Variants in SLC35F1 observed in about 807,000 individuals in gnomAD.
SLC35F1 encodes the protein chromosome 6 open reading frame 169.
In SLC35F1, 14 loss-of-function variants were observed where a neutral mutation model predicts 48.7. The observed-to-expected ratio is 0.29, with a 90% CI of 0.19 to 0.45. The LOEUF (loss-of-function observed/expected upper bound fraction) is 0.45. Ranked by LOEUF, SLC35F1 falls within the 20% of genes least tolerant of loss-of-function variation. SLC35F1 has a pLI of 1.00. For synonymous variants in SLC35F1, 190 were observed against 202.2 expected, an observed-to-expected ratio of 0.94 and a Z score of 0.51; for missense variants, 404 against 500.0, an observed-to-expected ratio of 0.81 and a Z score of 1.83.
At position 118,103,513 on chromosome 6, in the gene SLC35F1, C is replaced by T. The variant is rs570504351; in HGVS notation, c.174-50932C>T. Among the ~76,000 whole-genome samples the T allele has an allele frequency of 3.9e-5, 6 of 152,316 alleles. No homozygotes were observed. In the South Asian group the frequency reaches 6.2e-4, roughly 16 times the overall value. On this transcript the variant is annotated intron_variant, in intron 1 of 7. Transcript: ENST00000360388. ...TCCCACTGGATGTGCCCACCTGGGC[C>T]GCCAACTTCTGTGCCCAGGCCTGAG...
At chr6:118,074,909 G>T (rs928151584) in intron 1 of SLC35F1, among the ~76,000 whole-genome samples, 2 of 152,186 alleles carry the variant, frequency 1.3e-5, no homozygotes, top group African/African-American at 4.8e-5. Flanking sequence ...CTACCAAAGT[G>T]CTGGGATTAC....
intron 1 of SLC35F1, among the ~76,000 whole-genome samples, chr6:117,926,874 G>C (rs1330241739): frequency 1.3e-5 from 2 of 152,116 alleles, no homozygotes; most frequent in Non-Finnish European, 2.9e-5. Flanking sequence ...AGCCCAGGTA[G>C]GAGACAGTTG....
intron 1 of SLC35F1, among the ~76,000 whole-genome samples, chr6:118,125,380 G>GT (rs1562297175): frequency 6.0e-5 from 9 of 149,852 alleles, no homozygotes; most frequent in Admixed American, 5.4e-4. Context: ...GTATTTTGGG[G>GT]GGGGGGATCA....
chr6:118,139,891 G>GGGA (rs1408368320), intron 1 of SLC35F1, among the ~76,000 whole-genome samples: 3 of 152,146 alleles, frequency 2.0e-5, no homozygotes, highest in Non-Finnish European at 2.9e-5. Flanking sequence ...GATGGTGGTG[G>GGGA]GGAGGAGGTA....
At chr6:118,286,977 C>T (rs1052182131) in intron 7 of SLC35F1, among the ~76,000 whole-genome samples, 13 of 152,118 alleles carry the variant, frequency 8.5e-5, no homozygotes, top group African/African-American at 3.1e-4. Context: ...CCAACAAGTT[C>T]CTATTTTATA....
chr6:117,980,765 G>A (rs1178961802), intron 1 of SLC35F1, among the ~76,000 whole-genome samples: 1 of 152,140 alleles, frequency 6.6e-6, no homozygotes, highest in Admixed American at 6.5e-5. Context: ...CAATTTTGTG[G>A]GGACTATTCG....
chr6:118,118,230 C>G (rs1773499965), intron 1 of SLC35F1, among the ~76,000 whole-genome samples: 1 of 152,184 alleles, frequency 6.6e-6, no homozygotes, highest in Non-Finnish European at 1.5e-5. Context: ...TGTTAATACT[C>G]ACTGTCATCA....
In SLC35F1 at chr6:118,315,783, T is replaced by C. The variant is rs1045605477; in HGVS notation, c.*1531T>C. 3 of 152,192 alleles carry C rather than the reference T, an allele frequency of 2.0e-5. No homozygotes were observed. The highest frequency in any genetic ancestry group is 4.4e-5 in the Non-Finnish European group (3 of 68,038). The allele number at this position is 152,192 out of a possible 1,614,324, so 9.4% of individuals were successfully genotyped here. ...CCCAGAGAATACTGCAGGATCCTGA[T>C]AAGACCTTGAGTGATATGTCACTAG... On this transcript the variant is annotated 3_prime_UTR_variant, in exon 8 of 8. Coordinates refer to ENST00000360388, the MANE Select transcript of SLC35F1 (RefSeq NM_001029858.4).
Position 117,989,705 on chromosome 6 carries a change from C to T in SLC35F1, c.173+81806C>T, listed in dbSNP as rs889001119. On this transcript the variant is annotated intron_variant, in intron 1 of 7. Coordinates refer to ENST00000360388, the MANE Select transcript of SLC35F1 (RefSeq NM_001029858.4). ...ACTAAACTTAATGTTGGATTTAATT[C>T]ATTTTTTCAGTGAATGGATATAAAT... is the stretch of plus-strand genomic sequence containing the variant. Among the ~76,000 whole-genome samples, 5 of 152,012 alleles carry T rather than the reference C, an allele frequency of 3.3e-5. No homozygotes were observed. The South Asian group carries it at 1.0e-3, about 32-fold the overall frequency.
chr6:118,125,795 G>T (rs1171885901), intron 1 of SLC35F1, among the ~76,000 whole-genome samples: 1 of 152,164 alleles, frequency 6.6e-6, no homozygotes, highest in East Asian at 1.9e-4. Context: ...TTGGAGAAAA[G>T]GCATATTTAA....
intron 1 of SLC35F1, among the ~76,000 whole-genome samples, chr6:117,917,100 C>T (rs566053880): frequency 6.7e-6 from 1 of 148,396 alleles, no homozygotes; most frequent in Admixed American, 6.7e-5. Flanking sequence ...CTGGTCAGGC[C>T]TCTCTCTCTC....
In SLC35F1 at chr6:118,122,763, G is replaced by T. The variant is rs142651291; in HGVS notation, c.174-31682G>T. 6.6e-3 allele frequency among the ~76,000 whole-genome samples: 1,007 copies of T among 152,308 alleles called. 8 individuals carry two copies. Among genetic ancestry groups the T allele is most frequent in the Middle Eastern group, 0.014 (4 of 294 alleles). ...CGCAAAGAAAAGGAGAAAAAGCAAA[G>T]TCTGGTTAATTCCAGACCCTGGCTA... On this transcript the variant is annotated intron_variant, in intron 1 of 7. Transcript: ENST00000360388.
chr6:118,095,709 G>A (rs1417547213), intron 1 of SLC35F1, among the ~76,000 whole-genome samples: 1 of 152,048 alleles, frequency 6.6e-6, no homozygotes, highest in African/African-American at 2.4e-5. Flanking sequence ...TACACAATAG[G>A]GCACTCAGGG....
chr6:118,199,498 T>A (rs1469391012), intron 2 of SLC35F1, among the ~76,000 whole-genome samples: 3 of 152,254 alleles, frequency 2.0e-5, no homozygotes, highest in Non-Finnish European at 4.4e-5. Flanking sequence ...ATAAATTTTT[T>A]AAAATGATTC....
At chr6:118,076,276 T>C (rs1772816891) in intron 1 of SLC35F1, among the ~76,000 whole-genome samples, 1 of 152,230 alleles carries the variant, frequency 6.6e-6, no homozygotes, top group African/African-American at 2.4e-5. Flanking sequence ...TATTAAGAAT[T>C]TACCTTTAAC....
At chr6:118,076,623 T>C (rs1012578178) in intron 1 of SLC35F1, among the ~76,000 whole-genome samples, 2 of 152,188 alleles carry the variant, frequency 1.3e-5, no homozygotes, top group African/African-American at 4.8e-5. Flanking sequence ...TTCACCCCTA[T>C]GATTCAGTCA....
chr6:118,113,686 CA>C, intron 1 of SLC35F1, among the ~76,000 whole-genome samples: 1 of 152,292 alleles, frequency 6.6e-6, no homozygotes, highest in South Asian at 2.1e-4. Flanking sequence ...AGTAACCTCT[CA>C]ATATTATCTT....
chr6:118,240,089 G>A (rs1411450158), intron 3 of SLC35F1, among the ~76,000 whole-genome samples: 4 of 152,252 alleles, frequency 2.6e-5, no homozygotes, highest in East Asian at 1.9e-4. Flanking sequence ...AAGAAGACAC[G>A]TTTATTTAGC....
intron 2 of SLC35F1, 101 bp from the exon 3 acceptor site, chr6:118,235,408 G>A: frequency 8.8e-7 from 1 of 1,139,006 alleles, no homozygotes. Context: ...TAAACTTTAG[G>A]TTAAAAATAT....
Sources: gnomAD v4.1 joint callset for allele counts (sites outside exome capture counted in the v4.1 genomes callset) on GRCh38, gnomAD v4.1.1 for gene constraint, MANE v1.5 for transcripts, NCBI Gene and HGNC (gene_info 2026-07-23, HGNC 2026-07-21) for gene names.